Variants in RDH11 observed in about 807,000 individuals in gnomAD.
RDH11 encodes HCV core-binding protein HCBP12.
In RDH11, 19 loss-of-function variants were observed where a neutral mutation model predicts 33.4. The ratio of observed to expected loss-of-function variants is 0.57; its 90% confidence interval spans 0.40 to 0.83. RDH11 has a LOEUF of 0.83. Among genes scored for constraint, RDH11 ranks in the 40% least tolerant of loss-of-function variants. The pLI is 0.00. For synonymous variants in RDH11, 154 were observed against 155.3 expected (o/e 0.99, Z 0.06); for missense variants, 353 against 389.0 (o/e 0.91, Z 0.78).
At chr14:67,681,279 A>G (rs763452404) in intron 6 of RDH11, among the ~76,000 whole-genome samples, 2 of 152,258 alleles carry the variant, frequency 1.3e-5, no homozygotes, top group Non-Finnish European at 2.9e-5. Context: ...TTGATCTTGG[A>G]CTTTCAGTCT....
At chr14:67,680,543 A>C (rs1442374352) in intron 6 of RDH11, among the ~76,000 whole-genome samples, 1 of 152,054 alleles carries the variant, frequency 6.6e-6, no homozygotes, top group East Asian at 1.9e-4. Context: ...AGCTCACTAC[A>C]ACCTCCCCAG....
In RDH11 at chr14:67,678,248, A is replaced by G. The variant is rs946586137; in HGVS notation, c.*73T>C. ...GTGCTAAAGGTTTTGAAAACCTTGA[A>G]GGAGAATCATTTTGACAAGAAGTAC... is the stretch of plus-strand genomic sequence containing the variant. On this transcript the variant is annotated 3_prime_UTR_variant, in exon 7 of 7. Coordinates refer to ENST00000381346, the MANE Select transcript of RDH11 (RefSeq NM_016026.4). 235 of 1,023,532 alleles carry G rather than the reference A, an allele frequency of 2.3e-4. 1 individual carries two copies. Among genetic ancestry groups the G allele is most frequent in the Non-Finnish European group, 3.3e-4 (214 of 653,790 alleles). The allele number at this position is 1,023,532 out of a possible 1,614,324, so 63.4% of individuals were successfully genotyped here.
In RDH11 at chr14:67,678,273, C is replaced by T; in HGVS notation, c.*48G>A. On this transcript the variant is annotated 3_prime_UTR_variant, in exon 7 of 7. Coordinates refer to ENST00000381346, the MANE Select transcript of RDH11 (RefSeq NM_016026.4). ...AGGAGAATCATTTTGACAAGAAGTA[C>T]TGTGTAGTCTGCTGCAGTCTTCTCT... 8.6e-7 allele frequency: 1 copy of T among 1,161,464 alleles called. No homozygotes were observed. The highest frequency in any genetic ancestry group is 1.2e-5 in the South Asian group (1 of 81,602). 71.9% of individuals were successfully genotyped at this position (1,161,464 alleles called of 1,614,324 possible).
chr14:67,679,542 T>G (rs1185522444), intron 6 of RDH11, among the ~76,000 whole-genome samples: 1 of 152,128 alleles, frequency 6.6e-6, no homozygotes, highest in Non-Finnish European at 1.5e-5. Flanking sequence ...TAGCTGGGAT[T>G]ATAGGCGCCT....
chr14:67,687,937 A>T (rs1054013369), intron 5 of RDH11, among the ~76,000 whole-genome samples: 1 of 151,084 alleles, frequency 6.6e-6, no homozygotes, highest in Admixed American at 6.6e-5. Context: ...ACACCTGGCT[A>T]ATTTTTGTAT....
intron 1 of RDH11, among the ~76,000 whole-genome samples, chr14:67,694,517 T>TA (rs1491146400): frequency 2.1e-4 from 15 of 71,312 alleles, no homozygotes; most frequent in Non-Finnish European, 3.9e-4. Flanking sequence ...CACACATATA[T>TA]TTTTTTTTTT....
chr14:67,692,858 C>T (rs1050937117), intron 2 of RDH11, 76 bp downstream of exon 2: 2 of 1,115,616 alleles, frequency 1.8e-6, no homozygotes, highest in Non-Finnish European at 2.6e-6. Context: ...TGGGAAGAAA[C>T]AATGAGAATG....
rs529924519 is a variant in RDH11, at chr14:67,680,639, T to A, written c.855-2216A>T. 5.9e-5 allele frequency among the ~76,000 whole-genome samples: 9 copies of A among 152,252 alleles called. No homozygotes were observed. In the South Asian group the frequency reaches 1.9e-3, roughly 32 times the overall value. On this transcript the variant is annotated intron_variant, in intron 6 of 6. Coordinates refer to ENST00000381346, the MANE Select transcript of RDH11 (RefSeq NM_016026.4). Reference sequence around the variant, plus strand: ...ACGCCTGGCTAATTTTTGCATTTTTTATAGAGATGGGGTCTCATTATGTTG... The same window carrying A: ...ACGCCTGGCTAATTTTTGCATTTTTAATAGAGATGGGGTCTCATTATGTTG...
chr14:67,688,484 G>T (rs1449965176), intron 5 of RDH11, among the ~76,000 whole-genome samples: 2 of 152,156 alleles, frequency 1.3e-5, no homozygotes, highest in Admixed American at 1.3e-4. Flanking sequence ...TATTGGAAAG[G>T]GGCACACAAG....
intron 4 of RDH11, chr14:67,690,868 ACTAAGAAAGCAACACAGTCCC>A (rs2037741121): frequency 2.2e-6 from 1 of 451,206 alleles, no homozygotes; most frequent in Non-Finnish European, 4.0e-6. Context: ...AAGGATCACT[ACTAAGAAAGCAACACAGTCCC>A]CTAAACCAAT....
chr14:67,681,833 T>A (rs2037619835), intron 6 of RDH11, among the ~76,000 whole-genome samples: 1 of 152,176 alleles, frequency 6.6e-6, no homozygotes, highest in African/African-American at 2.4e-5. Flanking sequence ...GCTACAACTA[T>A]AAGACTATTA....
rs778180690 is a variant in RDH11, at chr14:67,690,460, T to C, written c.455-39A>G. On this transcript the variant is annotated intron_variant, in intron 4 of 6. Transcript: ENST00000381346. ...CTAGAATTAATGAAGTTCAGGGCCA[T>C]GTAGGAATGACAGGAGTCGTGGTGA... 13 of 1,574,624 alleles carry C rather than the reference T, an allele frequency of 8.3e-6. No homozygotes were observed. In the Admixed American group the frequency reaches 1.7e-4, roughly 20 times the overall value.
At chr14:67,692,400 C>T (rs1437511599) in intron 3 of RDH11, 38 bp downstream of exon 3, 1 of 1,609,056 alleles carries the variant, frequency 6.2e-7, no homozygotes, top group Non-Finnish European at 8.5e-7. Context: ...ATGTTGACCT[C>T]AAGACCCACA....
At chr14:67,684,587 CTT>C (rs545781349) in intron 6 of RDH11, 16 of 142,190 alleles carry the variant, frequency 1.1e-4, no homozygotes, top group Admixed American at 3.5e-4. Flanking sequence ...GATTCAAATT[CTT>C]TTTTTTTTTT....
Position 67,690,254 on chromosome 14 carries a change from C to T in RDH11, c.622G>A (p.Ala208Thr). The stretch of plus-strand genomic sequence containing the variant: ...AGTTCCTGGGTGAAGAGGATGTTGG[C>T]TAGCTTGCTGTGACAGTAGGCCAGG... The part of the protein sequence containing the change: ...AGLAYCHSKL[A>T]NILFTQELAR... The change falls in exon 5 of 7, where the codon GCC (alanine) becomes ACC (threonine). Residue 208 changes from alanine (A) to threonine (T), a missense_variant. Coordinates refer to ENST00000381346, the MANE Select transcript of RDH11 (RefSeq NM_016026.4). 6.2e-7 allele frequency: 1 copy of T among 1,613,998 alleles called. No homozygotes were observed. Among genetic ancestry groups the T allele is most frequent in the Non-Finnish European group, 8.5e-7 (1 of 1,180,010 alleles).
chr14:67,693,983 T>A (rs1230631151), intron 1 of RDH11, among the ~76,000 whole-genome samples: 1 of 152,170 alleles, frequency 6.6e-6, no homozygotes, highest in Non-Finnish European at 1.5e-5. Context: ...TATACTATAT[T>A]GCCTTTTCCA....
In RDH11 at chr14:67,678,154, C is replaced by T. The variant is rs1005719183; in HGVS notation, c.*167G>A. 20 of 559,512 alleles carry T rather than the reference C, an allele frequency of 3.6e-5. No individual in the cohort carries two copies. The highest frequency in any genetic ancestry group is 5.7e-5 in the African/African-American group (3 of 52,776). The allele number at this position is 559,512 out of a possible 1,614,324, so 34.7% of individuals were successfully genotyped here. On this transcript the variant is annotated 3_prime_UTR_variant, in exon 7 of 7. Coordinates refer to ENST00000381346, the MANE Select transcript of RDH11 (RefSeq NM_016026.4). ...AATCTGGACATGACAGACATTTAGACGAATCTGGCAGTACACTGAGTTTTA... is the reference window on the plus strand; with the variant it reads ...AATCTGGACATGACAGACATTTAGATGAATCTGGCAGTACACTGAGTTTTA...
chr14:67,691,277 G>T, intron 3 of RDH11, 33 bp from the exon 4 acceptor site: 3 of 1,471,000 alleles, frequency 2.0e-6, no homozygotes, highest in East Asian at 2.3e-5. Context: ...CGTGGAAGTG[G>T]CTAGCCAAGG....
chr14:67,691,104 G>A, intron 4 of RDH11, 36 bp downstream of exon 4: 7 of 1,430,558 alleles, frequency 4.9e-6, no homozygotes, highest in Non-Finnish European at 6.9e-6. Flanking sequence ...AGAATTTTGG[G>A]TCTCTCTAGC....
Sources: allele counts gnomAD v4.1 joint callset (sites outside exome capture counted in the v4.1 genomes callset), GRCh38; gene constraint gnomAD v4.1.1; transcripts MANE v1.5; gene names NCBI Gene and HGNC (gene_info 2026-07-23, HGNC 2026-07-21).